FAM53B: variants seen among roughly 807,000 people sequenced by gnomAD.
The protein encoded by FAM53B is family with sequence similarity 53 member B.
A neutral mutation model predicts 32.7 loss-of-function variants in FAM53B; 12 were observed. That is an observed-to-expected ratio of 0.37 (90% CI 0.24 to 0.59). The LOEUF is 0.59. Ranked by LOEUF, FAM53B falls within the 20% of genes least tolerant of loss-of-function variation. FAM53B has a pLI of 0.72. For missense variants in FAM53B, 477 were observed against 577.7 expected (o/e 0.83, Z 1.79); for synonymous variants, 234 against 228.7 (o/e 1.02, Z -0.21).
intron 1 of FAM53B, among the ~76,000 whole-genome samples, chr10:124,743,694 C>CCAGGG (rs1453458789): frequency 1.3e-5 from 2 of 151,790 alleles, no homozygotes; most frequent in Non-Finnish European, 2.9e-5. Flanking sequence ...CCGCGCCCGC[C>CCAGGG]CGCCCTGGCC....
At chr10:124,739,827 T>C (rs1950190823) in intron 1 of FAM53B, among the ~76,000 whole-genome samples, 1 of 152,140 alleles carries the variant, frequency 6.6e-6, no homozygotes, top group East Asian at 1.9e-4. Flanking sequence ...TTCTACAAGG[T>C]AGACCCTTTG....
At chr10:124,730,062 G>A (rs1266823440) in intron 1 of FAM53B, among the ~76,000 whole-genome samples, 1 of 152,186 alleles carries the variant, frequency 6.6e-6, no homozygotes, top group Non-Finnish European at 1.5e-5. Flanking sequence ...AGCTAGCTGA[G>A]GTACCTGGAA....
chr10:124,623,753 G>GAGC, intron 4 of FAM53B, 149 bp from the exon 5 acceptor site: 1 of 802,030 alleles, frequency 1.2e-6, no homozygotes, highest in South Asian at 1.9e-5. Flanking sequence ...ACGGGCCCAT[G>GAGC]AGCAACGTAC....
intron 4 of FAM53B, among the ~76,000 whole-genome samples, chr10:124,671,005 C>A (rs1038056659): frequency 3.9e-5 from 6 of 152,216 alleles, no homozygotes; most frequent in African/African-American, 1.2e-4. Flanking sequence ...AGCTGCGATG[C>A]GCGCTAGAAG....
chr10:124,632,941 T>C (rs1157544169), intron 4 of FAM53B, among the ~76,000 whole-genome samples: 3 of 152,196 alleles, frequency 2.0e-5, no homozygotes, highest in Non-Finnish European at 2.9e-5. Flanking sequence ...TGGCAAATCA[T>C]TAAACTTCTG....
At chr10:124,701,101 T>C (rs1949912663) in intron 2 of FAM53B, among the ~76,000 whole-genome samples, 1 of 152,144 alleles carries the variant, frequency 6.6e-6, no homozygotes, top group Non-Finnish European at 1.5e-5. Flanking sequence ...CTGCCCAGGG[T>C]GAAAGGCATC....
chr10:124,727,465 T>G (rs1950113289), intron 1 of FAM53B, among the ~76,000 whole-genome samples: 1 of 151,822 alleles, frequency 6.6e-6, no homozygotes. Flanking sequence ...ACTTTCAGAG[T>G]TTTTATTAGT....
In FAM53B at chr10:124,672,203, G is replaced by A. The variant is rs920155911; in HGVS notation, c.906+9404C>T. On this transcript the variant is annotated intron_variant, in intron 4 of 4. Coordinates refer to ENST00000337318, the MANE Select transcript of FAM53B (RefSeq NM_014661.4). ...CCTGCATGGTGTCGGGAAAAGGCCC[G>A]GTCAGGCACCAGCCGTGCTGGGCTC... is the stretch of plus-strand genomic sequence containing the variant. Among the ~76,000 whole-genome samples the A allele has an allele frequency of 2.6e-5, 4 of 152,256 alleles. No individual in the cohort carries two copies. In the East Asian group the frequency reaches 7.7e-4, roughly 29 times the overall value.
intron 1 of FAM53B, among the ~76,000 whole-genome samples, chr10:124,728,002 C>T (rs1315685608): frequency 2.0e-5 from 3 of 152,224 alleles, no homozygotes; most frequent in Admixed American, 2.0e-4. Flanking sequence ...CAGACCCAGA[C>T]CACCAGAGTG....
chr10:124,672,293 T>C (rs1195262221), intron 4 of FAM53B, among the ~76,000 whole-genome samples: 1 of 152,262 alleles, frequency 6.6e-6, no homozygotes, highest in African/African-American at 2.4e-5. Flanking sequence ...CTTCCTGCTC[T>C]GGCCCTCACT....
intron 1 of FAM53B, among the ~76,000 whole-genome samples, chr10:124,732,304 T>C (rs1950148632): frequency 6.6e-6 from 1 of 152,156 alleles, no homozygotes; most frequent in Admixed American, 6.5e-5. Flanking sequence ...TCTACCCTGG[T>C]TCCCCCAGGT....
intron 4 of FAM53B, among the ~76,000 whole-genome samples, chr10:124,635,599 T>G (rs879802357): frequency 3.9e-5 from 6 of 152,174 alleles, no homozygotes; most frequent in Non-Finnish European, 8.8e-5. Flanking sequence ...CGTGGCCCTC[T>G]GAGATGCAGG....
intron 4 of FAM53B, among the ~76,000 whole-genome samples, chr10:124,642,437 G>A (rs1949482766): frequency 6.6e-6 from 1 of 152,210 alleles, no homozygotes; most frequent in Admixed American, 6.5e-5. Flanking sequence ...AAAACAGAAG[G>A]GCAGCCCGGC....
chr10:124,668,968 G>A (rs547971449), intron 4 of FAM53B, among the ~76,000 whole-genome samples: 52 of 152,338 alleles, frequency 3.4e-4, no homozygotes, highest in African/African-American at 1.0e-3. Flanking sequence ...GAGGGCATCC[G>A]GTGCTGCCTC....
At chr10:124,628,321 G>T (rs1949368632) in intron 4 of FAM53B, among the ~76,000 whole-genome samples, 1 of 152,166 alleles carries the variant, frequency 6.6e-6, no homozygotes, top group Non-Finnish European at 1.5e-5. Context: ...AAAGCTGGCT[G>T]GTCAGGTGAT....
chr10:124,682,187 G>A lies in FAM53B; in HGVS notation c.326C>T (p.Pro109Leu). ...SDHNGNPSAPPSKRQCRSLSF... is the reference protein window; with the variant it reads ...SDHNGNPSAPLSKRQCRSLSF... ...CAGTGAGCGGCACTGGCGCTTGCTA[G>A]GGGGTGCTGAGGGGTTCCCGTTGTG... Residue 109 changes from proline (P) to leucine (L), a missense_variant, in exon 4 of 5, where the codon CCT becomes CTT. Pro to Leu is a moderately conservative substitution (Grantham distance 98). This residue lies in a region of FAM53B where 312 missense variants were observed against 420.2 expected (regional missense o/e 0.74). Transcript: ENST00000337318. The surrounding 1 kb of genome is among the most constrained non-coding windows in gnomAD (Gnocchi z 5.2). The A allele has an allele frequency of 6.2e-7, 1 of 1,613,764 alleles. No homozygotes were observed. The highest frequency in any genetic ancestry group is 8.5e-7 in the Non-Finnish European group (1 of 1,179,872).
intron 2 of FAM53B, among the ~76,000 whole-genome samples, chr10:124,697,642 T>G (rs1262187349): frequency 1.3e-5 from 2 of 152,018 alleles, no homozygotes; most frequent in Non-Finnish European, 2.9e-5. Flanking sequence ...AGATCAGGGC[T>G]GGAGGGGATG....
chr10:124,664,409 G>T (rs1233085921), intron 4 of FAM53B, among the ~76,000 whole-genome samples: 2 of 152,342 alleles, frequency 1.3e-5, no homozygotes, highest in Admixed American at 1.3e-4. Context: ...TCGCCTTTAG[G>T]AAACAGGTCA....
intron 1 of FAM53B, among the ~76,000 whole-genome samples, chr10:124,722,048 C>T (rs1040802951): frequency 6.6e-6 from 1 of 151,990 alleles, no homozygotes; most frequent in Non-Finnish European, 1.5e-5. Flanking sequence ...AGGGGGAAGG[C>T]GGGGAACAGG....
Sources: allele counts gnomAD v4.1 joint callset (sites outside exome capture counted in the v4.1 genomes callset), GRCh38; gene constraint gnomAD v4.1.1; regional missense constraint gnomAD v4.1.1; non-coding constraint Gnocchi (gnomAD v3.1); transcripts MANE v1.5; gene names NCBI Gene and HGNC (gene_info 2026-07-23, HGNC 2026-07-21).